EDIL3: variants seen among roughly 807,000 people sequenced by gnomAD.
The protein encoded by EDIL3 is EGF-like repeat and discoidin I-like domain-containing protein 3.
A neutral mutation model predicts 67.4 loss-of-function variants in EDIL3; 37 were observed. That is an observed-to-expected ratio of 0.55 (90% CI 0.42 to 0.72). The LOEUF (loss-of-function observed/expected upper bound fraction) is 0.72. EDIL3 is among the 30% of genes least tolerant of loss of function. The probability of loss-of-function intolerance (pLI) is 0.00; values close to 1 mark genes in which losing one functional copy is unlikely to be tolerated. For missense variants in EDIL3, 527 were observed against 586.3 expected, an observed-to-expected ratio of 0.90 and a Z score of 1.04; for synonymous variants, 195 against 196.3, an observed-to-expected ratio of 0.99 and a Z score of 0.05.
intron 3 of EDIL3, among the ~76,000 whole-genome samples, chr5:84,220,541 G>T (rs996352331): frequency 3.9e-5 from 6 of 152,052 alleles, no homozygotes; most frequent in African/African-American, 7.2e-5. Context: ...AACCATGAAG[G>T]TAGTTAAAGT....
At chr5:84,067,983 T>C (rs910107008) in intron 6 of EDIL3, among the ~76,000 whole-genome samples, 4 of 152,214 alleles carry the variant, frequency 2.6e-5, no homozygotes, top group Non-Finnish European at 4.4e-5. Flanking sequence ...ACTATAACCA[T>C]GAGTACATTT....
At chr5:84,196,414 A>T (rs1301121153) in intron 3 of EDIL3, among the ~76,000 whole-genome samples, 4 of 152,010 alleles carry the variant, frequency 2.6e-5, no homozygotes, top group Admixed American at 2.6e-4. Flanking sequence ...CCACAGTCCA[A>T]TCCCAATATT....
intron 6 of EDIL3, among the ~76,000 whole-genome samples, chr5:84,088,582 T>C (rs557644404): frequency 2.0e-5 from 3 of 152,354 alleles, no homozygotes; most frequent in African/African-American, 2.4e-5. Flanking sequence ...GAGACCTGCA[T>C]TGAACATAGT....
chr5:84,350,303 A>G (rs1195611748), intron 1 of EDIL3, among the ~76,000 whole-genome samples: 1 of 152,088 alleles, frequency 6.6e-6, no homozygotes, highest in African/African-American at 2.4e-5. Flanking sequence ...ATTTCTTGAC[A>G]TACTGACTGG....
chr5:84,176,181 AATATATATATATATATAATATATATATAT>A (rs1402174246), intron 4 of EDIL3, among the ~76,000 whole-genome samples: 156 of 86,476 alleles, frequency 1.8e-3, no homozygotes, highest in South Asian at 8.3e-3. Flanking sequence ...AGTGGTAAAA[AATATATATATATATATAATATATATATAT>A]ATATATATAT....
chr5:84,078,119 G>A (rs1746896882), intron 6 of EDIL3, among the ~76,000 whole-genome samples: 1 of 152,130 alleles, frequency 6.6e-6, no homozygotes, highest in Non-Finnish European at 1.5e-5. Context: ...TTAGTTGTTA[G>A]TAAAATTAAG....
At chr5:84,327,324 A>T (rs1746783908) in intron 1 of EDIL3, among the ~76,000 whole-genome samples, 2 of 151,362 alleles carry the variant, frequency 1.3e-5, no homozygotes, top group South Asian at 4.1e-4. Context: ...CATTCTTTTA[A>T]AAAAAAATTT....
At position 83,943,315 on chromosome 5, in the gene EDIL3, A is replaced by G. The variant is rs968039865; in HGVS notation, c.*104T>C. Reference sequence around the variant, plus strand: ...CCATAATTTGAGCACTTTTTCATGAAAAAAAAAAAAAAACCATTCAGTTTC... The same window carrying G: ...CCATAATTTGAGCACTTTTTCATGAGAAAAAAAAAAAAACCATTCAGTTTC... On this transcript the variant is annotated 3_prime_UTR_variant, in exon 11 of 11. Coordinates refer to ENST00000296591, the MANE Select transcript of EDIL3 (RefSeq NM_005711.5). 4.6e-4 allele frequency: 435 copies of G among 939,022 alleles called. No homozygotes were observed. The highest frequency in any genetic ancestry group is 6.0e-4 in the Non-Finnish European group (430 of 713,480). 58.2% of individuals were successfully genotyped at this position (939,022 alleles called of 1,614,324 possible).
intron 3 of EDIL3, among the ~76,000 whole-genome samples, chr5:84,214,490 T>C (rs1319913678): frequency 1.3e-5 from 2 of 152,122 alleles, no homozygotes; most frequent in Non-Finnish European, 2.9e-5. Context: ...CTTATTAATA[T>C]TTTGTATTAC....
chr5:84,163,130 T>A (rs1409440947), intron 4 of EDIL3, among the ~76,000 whole-genome samples: 1 of 152,112 alleles, frequency 6.6e-6, no homozygotes, highest in Non-Finnish European at 1.5e-5. Context: ...AATTTGAACC[T>A]CAAAGAGTGA....
intron 9 of EDIL3, among the ~76,000 whole-genome samples, chr5:84,006,103 T>TAATAATAATAATAATAATAAC (rs550067507): frequency 1.4e-4 from 21 of 149,142 alleles, no homozygotes; most frequent in African/African-American, 4.9e-4. Context: ...ATAATAATAA[T>TAATAATAATAATAATAATAAC]AATAATAGTA....
chr5:84,205,687 A>G (rs1304550397), intron 3 of EDIL3, among the ~76,000 whole-genome samples: 1 of 151,974 alleles, frequency 6.6e-6, no homozygotes, highest in Non-Finnish European at 1.5e-5. Flanking sequence ...TAGATTTTCT[A>G]GTTTATTTGC....
intron 9 of EDIL3, among the ~76,000 whole-genome samples, chr5:84,019,609 G>C (rs2112190064): frequency 6.6e-6 from 1 of 151,770 alleles, no homozygotes; most frequent in African/African-American, 2.4e-5. Flanking sequence ...AAAACAAAAA[G>C]CCCCAAAGAT....
chr5:84,139,843 A>G (rs921364711), intron 4 of EDIL3, among the ~76,000 whole-genome samples: 13 of 152,172 alleles, frequency 8.5e-5, no homozygotes, highest in African/African-American at 2.7e-4. Context: ...ATGACAGTCA[A>G]TTTCCAAGCA....
intron 10 of EDIL3, among the ~76,000 whole-genome samples, chr5:83,954,568 G>A (rs1744479641): frequency 6.6e-6 from 1 of 151,616 alleles, no homozygotes; most frequent in Non-Finnish European, 1.5e-5. Flanking sequence ...AAAGCTTCCT[G>A]ATGCCTCACC....
intron 9 of EDIL3, among the ~76,000 whole-genome samples, chr5:83,981,161 C>G (rs1290291906): frequency 6.6e-6 from 1 of 152,008 alleles, no homozygotes; most frequent in Non-Finnish European, 1.5e-5. Flanking sequence ...TATGGAAATT[C>G]AAGAGGCCCC....
chr5:84,309,261 C>T (rs947261186), intron 1 of EDIL3, among the ~76,000 whole-genome samples: 3 of 145,048 alleles, frequency 2.1e-5, no homozygotes, highest in Non-Finnish European at 4.5e-5. Context: ...GCCAACAATG[C>T]TATCTTTCTT....
chr5:84,279,016 CT>C (rs144202881), intron 1 of EDIL3, among the ~76,000 whole-genome samples: 11,472 of 152,188 alleles, frequency 0.075, 577 homozygotes, highest in South Asian at 0.2. Flanking sequence ...CCTTCTATGC[CT>C]CAATTTCCTT....
intron 1 of EDIL3, among the ~76,000 whole-genome samples, chr5:84,365,321 C>T (rs564916980): frequency 5.7e-4 from 86 of 152,202 alleles, no homozygotes; most frequent in African/African-American, 2.0e-3. Context: ...AGAAACTTAG[C>T]TCTAAAACAA....
Sources: allele counts gnomAD v4.1 joint callset (sites outside exome capture counted in the v4.1 genomes callset), GRCh38; gene constraint gnomAD v4.1.1; transcripts MANE v1.5; gene names NCBI Gene and HGNC (gene_info 2026-07-23, HGNC 2026-07-21).